The following UNC80 variants were observed in gnomAD, a reference collection of about 807,000 sequenced individuals.
UNC80 encodes unc-80 subunit of NALCN channel complex, also known as protein unc-80 homolog.
A neutral mutation model predicts 384.6 loss-of-function variants in UNC80; 164 were observed. That is an observed-to-expected ratio of 0.43 (90% CI 0.38 to 0.49). UNC80 has a LOEUF of 0.49. Among genes scored for constraint, UNC80 ranks in the 20% least tolerant of loss-of-function variants. UNC80 has a pLI of 0.00. For missense variants in UNC80, 3,330 were observed against 4,143.0 expected (o/e 0.80, Z 5.39); for synonymous variants, 1,486 against 1,527.8 (o/e 0.97, Z 0.64).
At chr2:209,921,108 G>A (rs2090006241) in intron 33 of UNC80, among the ~76,000 whole-genome samples, 2 of 152,074 alleles carry the variant, frequency 1.3e-5, no homozygotes, top group South Asian at 4.1e-4. Flanking sequence ...GATTACAGAC[G>A]TGAGCCACCA....
Position 209,978,648 on chromosome 2 carries a change from G to A in UNC80, c.9058G>A (p.Glu3020Lys). The A allele has an allele frequency of 1.9e-6, 3 of 1,551,182 alleles. No individual in the cohort carries two copies. The highest frequency in any genetic ancestry group is 2.6e-6 in the Non-Finnish European group (3 of 1,146,552). ...GTGTVWEQDS[E>K]PSQQASQDTL... is the part of the protein sequence containing the mutation. ...GGGCACTGTCTGGGAGCAGGACAGT[G>A]AGCCATCCCAGCAGGCTTCGCAGGA... Residue 3020 changes from glutamate (E) to lysine (K), a missense_variant, in exon 59 of 65, where the codon GAG becomes AAG. Coordinates refer to ENST00000673920, the MANE Select transcript of UNC80 (RefSeq NM_001371986.1).
chr2:209,930,709 T>C (rs112531901), intron 37 of UNC80, among the ~76,000 whole-genome samples: 11 of 152,328 alleles, frequency 7.2e-5, no homozygotes, highest in African/African-American at 2.6e-4. Flanking sequence ...ACACACAGTG[T>C]CAATTTAAAA....
At chr2:209,946,901 G>A (rs2091939409) in intron 47 of UNC80, among the ~76,000 whole-genome samples, 1 of 152,212 alleles carries the variant, frequency 6.6e-6, no homozygotes, top group South Asian at 2.1e-4. Context: ...GCCAGGAGGA[G>A]CGGGATTTAT....
At chr2:209,787,484 T>C (rs78245854) in intron 5 of UNC80, among the ~76,000 whole-genome samples, 1 of 152,210 alleles carries the variant, frequency 6.6e-6, no homozygotes, top group African/African-American at 2.4e-5. Flanking sequence ...GGTAGTATTA[T>C]TGAGTTATTT....
intron 22 of UNC80, among the ~76,000 whole-genome samples, chr2:209,866,725 TG>T (rs530409413): frequency 3.8e-4 from 58 of 152,358 alleles, no homozygotes; most frequent in South Asian, 1.4e-3. Flanking sequence ...ATTTAAATTT[TG>T]TTTTAAAATT....
At chr2:209,863,031 G>A (rs2083455318) in intron 22 of UNC80, among the ~76,000 whole-genome samples, 1 of 152,062 alleles carries the variant, frequency 6.6e-6, no homozygotes, top group Non-Finnish European at 1.5e-5. Context: ...CAGGCCCGGT[G>A]GTAATGAAAT....
intron 22 of UNC80, among the ~76,000 whole-genome samples, chr2:209,861,677 G>T (rs1475048960): frequency 1.3e-5 from 2 of 152,090 alleles, no homozygotes; most frequent in African/African-American, 4.8e-5. Flanking sequence ...GCTTTTTTTG[G>T]TTGGTAGGCT....
intron 22 of UNC80, among the ~76,000 whole-genome samples, chr2:209,856,964 A>G (rs1287356712): frequency 1.3e-5 from 2 of 151,694 alleles, no homozygotes; most frequent in Non-Finnish European, 2.9e-5. Context: ...TAAGTTTTGT[A>G]TTTTTAGTAG....
intron 2 of UNC80, 56 bp from the exon 3 acceptor site, chr2:209,775,833 G>C: frequency 6.4e-7 from 1 of 1,562,720 alleles, no homozygotes; most frequent in East Asian, 2.2e-5. Flanking sequence ...CAATTTCTTA[G>C]TTTACGTGGT....
chr2:209,882,398 G>A (rs776604932), intron 25 of UNC80, among the ~76,000 whole-genome samples: 8 of 152,196 alleles, frequency 5.3e-5, no homozygotes, highest in Middle Eastern at 3.4e-3. Context: ...CTGGTTTTCC[G>A]GAGTTCTAGG....
chr2:209,845,900 T>G (rs2082131635), intron 21 of UNC80, among the ~76,000 whole-genome samples: 1 of 152,110 alleles, frequency 6.6e-6, no homozygotes, highest in South Asian at 2.1e-4. Flanking sequence ...TGAGCCTGCT[T>G]TTTTCCTTAC....
intron 17 of UNC80, 89 bp from the exon 18 acceptor site, chr2:209,834,823 A>G: frequency 9.0e-7 from 1 of 1,113,722 alleles, no homozygotes; most frequent in South Asian, 1.3e-5. Context: ...AGTTGTCTAC[A>G]ACAGAGTGTT....
chr2:209,838,574 T>G (rs190054383), intron 18 of UNC80, among the ~76,000 whole-genome samples: 2 of 152,096 alleles, frequency 1.3e-5, no homozygotes, highest in Admixed American at 1.3e-4. Context: ...AATATTTTTT[T>G]AAGAGTATTT....
Position 209,995,751 on chromosome 2 carries a change from A to C in UNC80, c.*156A>C. 1.2e-6 allele frequency: 1 copy of C among 808,476 alleles called. No individual in the cohort carries two copies. The highest frequency in any genetic ancestry group is 1.9e-6 in the Non-Finnish European group (1 of 527,940). The allele number at this position is 808,476 out of a possible 1,614,324, so 50.1% of individuals were successfully genotyped here. A position where few individuals can be genotyped will look rare whatever the true frequency, so the allele number is the denominator to read the frequency against. On this transcript the variant is annotated 3_prime_UTR_variant, in exon 65 of 65. Coordinates refer to ENST00000673920, the MANE Select transcript of UNC80 (RefSeq NM_001371986.1). ...TGAATAGGTTTTGCTGCCAATACACATGATGTTTCATAAACATCTTAAAAG... is the reference window on the plus strand; with the variant it reads ...TGAATAGGTTTTGCTGCCAATACACCTGATGTTTCATAAACATCTTAAAAG...
chr2:209,934,162 G>A (rs551341218), intron 39 of UNC80, among the ~76,000 whole-genome samples, 157 bp downstream of exon 39: 3 of 152,196 alleles, frequency 2.0e-5, no homozygotes, highest in African/African-American at 7.2e-5. Flanking sequence ...ATAATCAGAG[G>A]AAATACAATA....
At chr2:209,847,221 C>A (rs958755569) in intron 21 of UNC80, among the ~76,000 whole-genome samples, 1 of 151,812 alleles carries the variant, frequency 6.6e-6, no homozygotes, top group South Asian at 2.1e-4. Context: ...ACCAACAGAC[C>A]CATACACCCC....
intron 7 of UNC80, chr2:209,809,256 A>T: frequency 1.4e-6 from 1 of 729,266 alleles, no homozygotes; most frequent in East Asian, 2.5e-5. Context: ...TCAACTGCCA[A>T]TACTGCAATA....
At chr2:209,980,018 C>A (rs1380434939) in intron 59 of UNC80, among the ~76,000 whole-genome samples, 4 of 152,178 alleles carry the variant, frequency 2.6e-5, no homozygotes, top group Admixed American at 2.6e-4. Flanking sequence ...CAGTTAGCTT[C>A]AGCATTGGTC....
intron 5 of UNC80, among the ~76,000 whole-genome samples, chr2:209,787,521 C>T (rs1199954389): frequency 6.6e-6 from 1 of 152,018 alleles, no homozygotes; most frequent in Non-Finnish European, 1.5e-5. Context: ...TATAGTTTTG[C>T]GCCACATAAC....
Sources: allele counts gnomAD v4.1 joint callset (sites outside exome capture counted in the v4.1 genomes callset), GRCh38; gene constraint gnomAD v4.1.1; transcripts MANE v1.5; gene names NCBI Gene and HGNC (gene_info 2026-07-23, HGNC 2026-07-21).